Variants in DOT1L observed in about 807,000 individuals in gnomAD.
DOT1L encodes DOT1 like histone lysine methyltransferase.
In DOT1L, 33 loss-of-function variants were observed where a neutral mutation model predicts 153.3. The observed-to-expected ratio is 0.22, with a 90% CI of 0.16 to 0.29. The LOEUF (loss-of-function observed/expected upper bound fraction) is 0.29, where lower values mean the gene tolerates loss of function less well. Ranked by LOEUF, DOT1L falls within the 10% of genes least tolerant of loss-of-function variation. DOT1L has a pLI of 1.00. For missense variants in DOT1L, 1,847 were observed against 2,119.9 expected, an observed-to-expected ratio of 0.87 and a Z score of 2.53; for synonymous variants, 1,135 against 965.1, an observed-to-expected ratio of 1.18 and a Z score of -3.26.
In DOT1L at chr19:2,204,287, TTGTC is replaced by T. The variant is rs899413654; in HGVS notation, c.787+1512_787+1515del. On this transcript the variant is annotated intron_variant, in intron 9 of 27. Transcript: ENST00000398665. This position sits in a 1 kb window ranked among gnomAD's most constrained non-coding sequence, Gnocchi z 5.7. ...CGTGTCTATGTATGTGTCTGCTTGT[TTGTC>T]TGTGTGTGTGCATGCATGCCTGTGT... 1.8e-3 allele frequency among the ~76,000 whole-genome samples: 267 copies of T among 151,866 alleles called. No individual in the cohort carries two copies. Among genetic ancestry groups the T allele is most frequent in the African/African-American group, 5.8e-3 (242 of 41,420 alleles).
intron 2 of DOT1L, among the ~76,000 whole-genome samples, 156 bp downstream of exon 2, chr19:2,180,912 G>A (rs2022201004): frequency 6.6e-6 from 1 of 152,196 alleles, no homozygotes; most frequent in South Asian, 2.1e-4. Context: ...GACGGGTAGA[G>A]CTGCTTCTCC....
intron 19 of DOT1L, among the ~76,000 whole-genome samples, chr19:2,215,295 C>A (rs1270361139): frequency 6.6e-6 from 1 of 152,216 alleles, no homozygotes. Context: ...CTTTCTGACA[C>A]CGAGAAACGC....
At chr19:2,169,871 G>C (rs1037128467) in intron 1 of DOT1L, among the ~76,000 whole-genome samples, 10 of 152,122 alleles carry the variant, frequency 6.6e-5, no homozygotes, top group Non-Finnish European at 1.5e-4. Flanking sequence ...AAAAACACAC[G>C]GTTGCCCAGG....
At chr19:2,198,827 C>T (rs753575233) in intron 7 of DOT1L, among the ~76,000 whole-genome samples, 12 of 152,190 alleles carry the variant, frequency 7.9e-5, no homozygotes, top group Non-Finnish European at 1.8e-4. Context: ...CTGTGTCCGG[C>T]GTCTCTCACT....
intron 9 of DOT1L, 101 bp downstream of exon 9, chr19:2,202,880 G>C (rs760975986): frequency 1.3e-5 from 15 of 1,149,606 alleles, no homozygotes; most frequent in Non-Finnish European, 1.7e-5. Context: ...GCTCAGACTT[G>C]GGGTCTTCAG....
rs560271556 is a variant in DOT1L, at chr19:2,206,538, A to C, written c.788-191A>C. The stretch of plus-strand genomic sequence containing the variant: ...CTCTGTCTCAAAAAAAAAAAAAAAA[A>C]AAAAAAGTTATTTGTAGAATAGGCT... On this transcript the variant is annotated intron_variant, in intron 9 of 27. Coordinates refer to ENST00000398665, the MANE Select transcript of DOT1L (RefSeq NM_032482.3). Among the ~76,000 whole-genome samples the C allele has an allele frequency of 2.2e-3, 327 of 152,016 alleles. 2 individuals are homozygous for C. The highest frequency in any genetic ancestry group is 7.5e-3 in the African/African-American group (312 of 41,458).
intron 25 of DOT1L, among the ~76,000 whole-genome samples, chr19:2,224,265 T>C (rs1367849806): frequency 6.6e-6 from 1 of 152,142 alleles, no homozygotes; most frequent in East Asian, 1.9e-4. Flanking sequence ...AAGTTTCCCG[T>C]TTCCTGGTGC....
intron 1 of DOT1L, among the ~76,000 whole-genome samples, chr19:2,178,275 C>T (rs1194508209): frequency 7.3e-6 from 1 of 137,304 alleles, no homozygotes; most frequent in Non-Finnish European, 1.6e-5. Context: ...GATGGCGTTT[C>T]ACCATGTCTT....
At chr19:2,225,292 A>G (rs1221435902) in intron 25 of DOT1L, 96 bp from the exon 26 acceptor site, 3 of 1,248,166 alleles carry the variant, frequency 2.4e-6, no homozygotes, top group Non-Finnish European at 3.5e-6. Flanking sequence ...CTCGTTCACC[A>G]CCTCCGGAGC....
intron 8 of DOT1L, 62 bp from the exon 9 acceptor site, chr19:2,202,638 G>A (rs1249768399): frequency 1.3e-6 from 2 of 1,537,818 alleles, no homozygotes; most frequent in Non-Finnish European, 1.8e-6. Flanking sequence ...TGTTGGCTGC[G>A]CCGGGTGGCT....
At position 2,190,632 on chromosome 19, in the gene DOT1L, C is replaced by G. The variant is rs1014115549; in HGVS notation, c.265-380C>G. 1.3e-5 allele frequency among the ~76,000 whole-genome samples: 2 copies of G among 152,064 alleles called. No homozygotes were observed. The highest frequency in any genetic ancestry group is 4.8e-5 in the African/African-American group (2 of 41,404). The stretch of plus-strand genomic sequence containing the variant: ...TGAGGTGTGGTAGGCTCAGGGCTTT[C>G]ACGGGGCTCGTGGCACCTGACGGGG... On this transcript the variant is annotated intron_variant, in intron 4 of 27. Coordinates refer to ENST00000398665, the MANE Select transcript of DOT1L (RefSeq NM_032482.3). This position sits in a 1 kb window ranked among gnomAD's most constrained non-coding sequence, Gnocchi z 4.8.
intron 3 of DOT1L, among the ~76,000 whole-genome samples, chr19:2,187,367 T>C (rs1031526174): frequency 2.0e-5 from 3 of 152,004 alleles, no homozygotes; most frequent in African/African-American, 7.3e-5. Flanking sequence ...TCCACGTGGG[T>C]GTGTGGCGTC....
At chr19:2,180,408 G>A (rs1188992042) in intron 1 of DOT1L, among the ~76,000 whole-genome samples, 2 of 152,186 alleles carry the variant, frequency 1.3e-5, no homozygotes, top group African/African-American at 4.8e-5. Context: ...TGGGGCGGCC[G>A]TTTGCTTTAG....
rs2023560937 is a variant in DOT1L, at chr19:2,207,803, C to A, written c.963+123C>A. ...CTCCCCTCAGAGCCCTCAACGCCCC[C>A]CGGCCCCTGAGCTCAGGCCCAGCTC... is the stretch of plus-strand genomic sequence containing the variant. On this transcript the variant is annotated intron_variant, in intron 11 of 27. Coordinates refer to ENST00000398665, the MANE Select transcript of DOT1L (RefSeq NM_032482.3). This position sits in a 1 kb window ranked among gnomAD's most constrained non-coding sequence, Gnocchi z 4.5. The A allele has an allele frequency of 3.3e-6, 3 of 900,380 alleles. No homozygotes were observed. The highest frequency in any genetic ancestry group is 5.4e-5 in the East Asian group (2 of 37,226). 55.8% of individuals were successfully genotyped at this position (900,380 alleles called of 1,614,324 possible).
chr19:2,226,111 G>A lies in DOT1L; in HGVS notation c.3662-72G>A, dbSNP rs1346701842. ...CAGAGTTGCCCGGGCCGTGGCAGCA[G>A]CCCCGGTTAGCCTCATGGGTAGCCC... On this transcript the variant is annotated intron_variant, in intron 26 of 27. Coordinates refer to ENST00000398665, the MANE Select transcript of DOT1L (RefSeq NM_032482.3). 5.5e-6 allele frequency: 8 copies of A among 1,450,466 alleles called. No individual in the cohort carries two copies. The African/African-American group carries it at 1.0e-4, about 18-fold the overall frequency. The allele number at this position is 1,450,466 out of a possible 1,614,324, so 89.8% of individuals were successfully genotyped here.
Position 2,208,279 on chromosome 19 carries a change from C to T in DOT1L, c.963+599C>T, listed in dbSNP as rs779258201. 1.2e-4 allele frequency among the ~76,000 whole-genome samples: 19 copies of T among 152,156 alleles called. No individual in the cohort carries two copies. The highest frequency in any genetic ancestry group is 2.6e-4 in the Non-Finnish European group (18 of 68,010). ...GGCTTCCCCTGGTCTCTTTCCCGTCCTTTGGTTGGGCACTCTGTTCCTGTT... is the reference window on the plus strand; with the variant it reads ...GGCTTCCCCTGGTCTCTTTCCCGTCTTTTGGTTGGGCACTCTGTTCCTGTT... On this transcript the variant is annotated intron_variant, in intron 11 of 27. Transcript: ENST00000398665. This position sits in a 1 kb window ranked among gnomAD's most constrained non-coding sequence, Gnocchi z 4.4.
rs758266924 is a variant in DOT1L at position 2,222,575 on chromosome 19, G to A, written c.3390+16G>A. 1.3e-6 allele frequency: 2 copies of A among 1,527,830 alleles called. No individual in the cohort carries two copies. The highest frequency in any genetic ancestry group is 1.4e-5 in the African/African-American group (1 of 73,076). 94.6% of individuals were successfully genotyped at this position (1,527,830 alleles called of 1,614,324 possible). On this transcript the variant is annotated intron_variant, in intron 24 of 27. Coordinates refer to ENST00000398665, the MANE Select transcript of DOT1L (RefSeq NM_032482.3). This position sits in a 1 kb window ranked among gnomAD's most constrained non-coding sequence, Gnocchi z 6.5. Reference sequence around the variant, plus strand: ...CAACTCCATGGTAAGGATGGGGACCGGCAGGGCTGGGGAGCGCGGCCTGTG... The same window carrying A: ...CAACTCCATGGTAAGGATGGGGACCAGCAGGGCTGGGGAGCGCGGCCTGTG...
Position 2,217,211 on chromosome 19 carries a change from A to AC in DOT1L, c.2544+123dup. ...GGGGCACGGTGAGGTACTGGGGCTGACCTGGAGTAGGATGTTGTGGCAGAG... is the reference window on the plus strand; with the variant it reads ...GGGGCACGGTGAGGTACTGGGGCTGACCCTGGAGTAGGATGTTGTGGCAGAG... On this transcript the variant is annotated intron_variant, in intron 21 of 27. Coordinates refer to ENST00000398665, the MANE Select transcript of DOT1L (RefSeq NM_032482.3). This position sits in a 1 kb window ranked among gnomAD's most constrained non-coding sequence, Gnocchi z 7.3. 7.4e-7 allele frequency: 1 copy of AC among 1,343,112 alleles called. No homozygotes were observed. The highest frequency in any genetic ancestry group is 9.8e-7 in the Non-Finnish European group (1 of 1,018,544). The allele number at this position is 1,343,112 out of a possible 1,614,324, so 83.2% of individuals were successfully genotyped here. A position where few individuals can be genotyped will look rare whatever the true frequency, so the allele number is the denominator to read the frequency against.
At chr19:2,173,636 C>T (rs1225947511) in intron 1 of DOT1L, among the ~76,000 whole-genome samples, 1 of 152,220 alleles carries the variant, frequency 6.6e-6, no homozygotes, top group East Asian at 1.9e-4. Flanking sequence ...TCAAGCCCAG[C>T]CTGCTCACCG....
Sources: gnomAD v4.1 joint callset for allele counts (sites outside exome capture counted in the v4.1 genomes callset) on GRCh38, gnomAD v4.1.1 for gene constraint, Gnocchi (gnomAD v3.1) non-coding constraint, MANE v1.5 for transcripts, NCBI Gene and HGNC (gene_info 2026-07-23, HGNC 2026-07-21) for gene names.